Variants in TEX9 observed in about 807,000 individuals in gnomAD.
TEX9 encodes the protein testis-expressed protein 9.
TEX9 carries 74 observed loss-of-function variants against 59.6 expected under a neutral mutation model. The observed-to-expected ratio is 1.24, with a 90% confidence interval of 1.03 to 1.51. The LOEUF is 1.51. Ranked by LOEUF, TEX9 falls within the 40% of genes most tolerant of loss-of-function variation. The probability of loss-of-function intolerance (pLI) is 0.00; values close to 1 mark genes in which losing one functional copy is unlikely to be tolerated. For synonymous variants in TEX9, 186 were observed against 152.2 expected (o/e 1.22, Z -1.64); for missense variants, 522 against 447.8 (o/e 1.17, Z -1.49).
At chr15:56,333,549 A>T (rs1392335369) in intron 1 of TEX9, among the ~76,000 whole-genome samples, 1 of 152,060 alleles carries the variant, frequency 6.6e-6, no homozygotes, top group Non-Finnish European at 1.5e-5. Flanking sequence ...CATAGATGAC[A>T]GAACCATAGA....
At chr15:56,248,618 T>A (rs1019473281) in intron 1 of TEX9, among the ~76,000 whole-genome samples, 2 of 152,236 alleles carry the variant, frequency 1.3e-5, no homozygotes, top group Non-Finnish European at 1.5e-5. Context: ...ATGTTTATGT[T>A]GTAACTTTCA....
At chr15:56,389,647 A>G (rs775812624) in intron 6 of TEX9, among the ~76,000 whole-genome samples, 1 of 151,874 alleles carries the variant, frequency 6.6e-6, no homozygotes, top group Non-Finnish European at 1.5e-5. Flanking sequence ...AATTTTTATA[A>G]ATGTTATTTC....
At chr15:56,451,243 C>T in the TEX9 span, among the ~76,000 whole-genome samples, 1 of 152,018 alleles carries the variant, frequency 6.6e-6, no homozygotes, top group Non-Finnish European at 1.5e-5. Context: ...ACAGATATAC[C>T]CAACAATTTG....
chr15:56,300,708 G>GAGAGA (rs2045331855), intron 1 of TEX9, among the ~76,000 whole-genome samples: 1 of 102,670 alleles, frequency 9.7e-6, no homozygotes, highest in African/African-American at 4.0e-5. Flanking sequence ...AGAGAGAGAG[G>GAGAGA]GAGAGAGAGA....
chr15:56,428,321 C>T, intron 11 of TEX9, 46 bp from the exon 12 acceptor site: 2 of 1,412,236 alleles, frequency 1.4e-6, no homozygotes, highest in Non-Finnish European at 2.0e-6. Context: ...GTTTGGTGGC[C>T]TACTCTTAAT....
intron 1 of TEX9, among the ~76,000 whole-genome samples, chr15:56,297,754 C>G (rs757677636): frequency 6.6e-6 from 1 of 152,246 alleles, no homozygotes; most frequent in African/African-American, 2.4e-5. Flanking sequence ...ATCCACCCGC[C>G]TTGGCCTCCC....
At chr15:56,343,335 TAAG>T (rs1414456758) in intron 1 of TEX9, among the ~76,000 whole-genome samples, 12 of 151,810 alleles carry the variant, frequency 7.9e-5, no homozygotes, top group Non-Finnish European at 1.3e-4. Flanking sequence ...AAATAAACTA[TAAG>T]AAGAATAGCA....
At chr15:56,312,448 T>C (rs1446489929) in intron 1 of TEX9, among the ~76,000 whole-genome samples, 8 of 146,656 alleles carry the variant, frequency 5.5e-5, no homozygotes, top group African/African-American at 2.0e-4. Flanking sequence ...AAAGATCAGA[T>C]AGTTGTAGAT....
chr15:56,263,729 C>T (rs2044318758), intron 1 of TEX9, among the ~76,000 whole-genome samples: 1 of 152,174 alleles, frequency 6.6e-6, no homozygotes, highest in Non-Finnish European at 1.5e-5. Context: ...ATCCTCAGAT[C>T]CTGACAACTA....
chr15:56,294,529 G>A (rs1193445421), intron 1 of TEX9, among the ~76,000 whole-genome samples: 1 of 152,166 alleles, frequency 6.6e-6, no homozygotes, highest in Non-Finnish European at 1.5e-5. Context: ...ATTTTCTAAT[G>A]TTAAAATATT....
Position 56,282,778 on chromosome 15 carries a change from GA to G in TEX9, c.-107+38502del, listed in dbSNP as rs568096971. Reference sequence around the variant, plus strand: ...CTTAGCAAAGACCTAGGGGCTAGAGGAAGCATTTCCTTGATATTGCAAAGTG... The same window carrying G: ...CTTAGCAAAGACCTAGGGGCTAGAGGAGCATTTCCTTGATATTGCAAAGTG... On this transcript the variant is annotated intron_variant, in intron 1 of 5. Coordinates refer to the TEX9 transcript ENST00000560827. Among the ~76,000 whole-genome samples the G allele has an allele frequency of 4.9e-4, 75 of 152,272 alleles. No homozygotes were observed. In the East Asian group the frequency reaches 6.6e-3, roughly 13 times the overall value.
intron 1 of TEX9, among the ~76,000 whole-genome samples, chr15:56,359,424 T>C (rs1237526273): frequency 6.6e-6 from 1 of 152,278 alleles, no homozygotes; most frequent in African/African-American, 2.4e-5. Context: ...GAATTAACCA[T>C]TTCTAGGCAC....
At chr15:56,365,641 C>T in exon 2 of TEX9, 1 of 1,614,194 alleles carries the variant, frequency 6.2e-7, no homozygotes, top group Non-Finnish European at 8.5e-7. Context: ...CACCTGGACC[C>T]GACCTCCTCG....
intron 1 of TEX9, among the ~76,000 whole-genome samples, chr15:56,322,241 G>A (rs1000443692): frequency 1.3e-5 from 2 of 152,108 alleles, no homozygotes; most frequent in Non-Finnish European, 2.9e-5. Flanking sequence ...TGGACAGGTT[G>A]TGTCAAGTCT....
chr15:56,316,279 G>T (rs1196629397), intron 1 of TEX9, among the ~76,000 whole-genome samples: 2 of 151,826 alleles, frequency 1.3e-5, no homozygotes, highest in East Asian at 1.9e-4. Context: ...CATCTTTGTG[G>T]TTTTATCTAC....
chr15:56,391,625 A>G (rs1235855138), intron 7 of TEX9, among the ~76,000 whole-genome samples: 4 of 152,036 alleles, frequency 2.6e-5, no homozygotes, highest in African/African-American at 9.7e-5. Context: ...TGTTAAAGAT[A>G]GGTGGTGGGT....
intron 4 of TEX9, among the ~76,000 whole-genome samples, chr15:56,384,354 T>C (rs28703785): frequency 0.055 from 8,436 of 152,178 alleles, 808 homozygotes; most frequent in African/African-American, 0.19. Context: ...TCTCTTACAG[T>C]TGTCATTGGG....
chr15:56,450,253 A>C (rs181117733), downstream of TEX9, among the ~76,000 whole-genome samples: 8 of 152,306 alleles, frequency 5.3e-5, no homozygotes, highest in Admixed American at 5.2e-4. Context: ...ATTTTTTATC[A>C]TGTGAAAATA....
intron 1 of TEX9, among the ~76,000 whole-genome samples, chr15:56,250,212 A>G (rs914026205): frequency 6.6e-6 from 1 of 152,200 alleles, no homozygotes; most frequent in African/African-American, 2.4e-5. Context: ...GGTGGATGCT[A>G]TATAAAAAAG....
Sources: gnomAD v4.1 joint callset for allele counts (sites outside exome capture counted in the v4.1 genomes callset) on GRCh38, gnomAD v4.1.1 for gene constraint, MANE v1.5 for transcripts, NCBI Gene and HGNC (gene_info 2026-07-23, HGNC 2026-07-21) for gene names.